Variants in LRRTM4 observed in about 807,000 individuals in gnomAD.
LRRTM4 encodes leucine rich repeat transmembrane neuronal 4.
A neutral mutation model predicts 47.6 loss-of-function variants in LRRTM4; 25 were observed. That is an observed-to-expected ratio of 0.53 (90% CI 0.38 to 0.73). LRRTM4 has a LOEUF of 0.73. Among genes scored for constraint, LRRTM4 ranks in the 30% least tolerant of loss-of-function variants. The probability of loss-of-function intolerance (pLI) is 0.00; values close to 1 mark genes in which losing one functional copy is unlikely to be tolerated. For synonymous variants in LRRTM4, 311 were observed against 269.5 expected, an observed-to-expected ratio of 1.15 and a Z score of -1.51; for missense variants, 638 against 713.4, an observed-to-expected ratio of 0.89 and a Z score of 1.20.
Position 76,965,178 on chromosome 2 carries a change from C to T in LRRTM4, c.1552-216262G>A, listed in dbSNP as rs186817273. 4.2e-3 allele frequency among the ~76,000 whole-genome samples: 628 copies of T among 151,234 alleles called. 20 individuals carry two copies. The highest frequency in any genetic ancestry group is 0.037 in the Admixed American group (559 of 15,114). On this transcript the variant is annotated intron_variant, in intron 3 of 3. Transcript: ENST00000409884. Reference sequence around the variant, plus strand: ...TCAGAAAATACACACAGAGGACAAACTTCCTATCACATTCTATGAGGTCAG... The same window carrying T: ...TCAGAAAATACACACAGAGGACAAATTTCCTATCACATTCTATGAGGTCAG...
At chr2:76,901,921 A>G (rs2103747469) in intron 3 of LRRTM4, among the ~76,000 whole-genome samples, 1 of 152,296 alleles carries the variant, frequency 6.6e-6, no homozygotes, top group South Asian at 2.1e-4. Context: ...AATTCCATAT[A>G]TAATCTTAAT....
intron 3 of LRRTM4, among the ~76,000 whole-genome samples, chr2:77,067,534 T>G (rs1049580366): frequency 2.6e-5 from 4 of 152,162 alleles, no homozygotes; most frequent in Admixed American, 2.0e-4. Context: ...AAGAATCTTT[T>G]TAAGTATCAG....
intron 3 of LRRTM4, among the ~76,000 whole-genome samples, chr2:77,332,856 A>G (rs1245845951): frequency 6.6e-6 from 1 of 152,096 alleles, no homozygotes; most frequent in East Asian, 1.9e-4. Flanking sequence ...CTCTCACCTC[A>G]CAGTACTGAT....
chr2:77,208,006 G>A (rs1359001572), intron 3 of LRRTM4, among the ~76,000 whole-genome samples: 3 of 149,292 alleles, frequency 2.0e-5, no homozygotes, highest in Admixed American at 6.8e-5. Flanking sequence ...AGCCTCCCAA[G>A]TAGCTGGGAT....
chr2:77,097,366 C>A (rs1398091435), intron 3 of LRRTM4, among the ~76,000 whole-genome samples: 1 of 151,890 alleles, frequency 6.6e-6, no homozygotes, highest in Non-Finnish European at 1.5e-5. Flanking sequence ...GTCACTATCA[C>A]AACTTACTTG....
intron 3 of LRRTM4, among the ~76,000 whole-genome samples, chr2:77,127,268 C>A (rs1427795992): frequency 6.6e-6 from 1 of 152,198 alleles, no homozygotes; most frequent in Admixed American, 6.5e-5. Flanking sequence ...TTCTCACATA[C>A]TTTTAAATAC....
At chr2:77,469,282 C>T (rs901985586) in intron 3 of LRRTM4, among the ~76,000 whole-genome samples, 4 of 152,148 alleles carry the variant, frequency 2.6e-5, no homozygotes, top group Non-Finnish European at 4.4e-5. Flanking sequence ...AGTGGGCAAC[C>T]GCAGCCCACA....
chr2:77,026,575 G>T (rs190900641), intron 3 of LRRTM4, among the ~76,000 whole-genome samples: 14 of 151,960 alleles, frequency 9.2e-5, no homozygotes, highest in Non-Finnish European at 1.8e-4. Context: ...TAAAATTTTG[G>T]TATCAGATTC....
chr2:77,110,521 A>C (rs1342964186), intron 3 of LRRTM4, among the ~76,000 whole-genome samples: 4 of 152,140 alleles, frequency 2.6e-5, no homozygotes, highest in Non-Finnish European at 5.9e-5. Context: ...ATGGATTTTT[A>C]CTTTATCTTT....
At chr2:76,937,988 G>A (rs942791768) in intron 3 of LRRTM4, among the ~76,000 whole-genome samples, 4 of 151,822 alleles carry the variant, frequency 2.6e-5, no homozygotes, top group Admixed American at 6.6e-5. Flanking sequence ...TAAAGTTTTG[G>A]GAGTTTTCAT....
chr2:77,477,915 GAAAGAAAGAAAGAAAGAAAGAAAGA>G (rs1677487435), intron 3 of LRRTM4, among the ~76,000 whole-genome samples: 1 of 48,878 alleles, frequency 2.0e-5, no homozygotes, highest in Non-Finnish European at 4.7e-5. Flanking sequence ...AAGAAAGAAA[GAAAGAAAGAAAGAAAGAAAGAAAGA>G]AAGAAAGAAA....
intron 3 of LRRTM4, among the ~76,000 whole-genome samples, chr2:77,040,965 G>A (rs1187132894): frequency 1.3e-5 from 2 of 151,248 alleles, no homozygotes. Flanking sequence ...TAGCTATTTT[G>A]AAATACACAT....
chr2:77,368,705 T>C (rs1383180928), intron 3 of LRRTM4, among the ~76,000 whole-genome samples: 1 of 151,794 alleles, frequency 6.6e-6, no homozygotes. Context: ...TCTTGGTTAG[T>C]TACAGTCTTA....
chr2:77,292,539 C>G (rs1014527725), intron 3 of LRRTM4, among the ~76,000 whole-genome samples: 1 of 151,940 alleles, frequency 6.6e-6, no homozygotes, highest in East Asian at 1.9e-4. Flanking sequence ...GAGTTCATGT[C>G]CTTTGTAGGG....
intron 3 of LRRTM4, among the ~76,000 whole-genome samples, chr2:77,061,376 C>T (rs1363514784): frequency 2.0e-5 from 3 of 151,882 alleles, no homozygotes; most frequent in Non-Finnish European, 2.9e-5. Context: ...CCACCAAAAT[C>T]TGAAAAAAAA....
intron 3 of LRRTM4, among the ~76,000 whole-genome samples, chr2:77,122,553 C>T (rs1394962670): frequency 2.0e-5 from 3 of 150,716 alleles, no homozygotes; most frequent in East Asian, 3.9e-4. Context: ...CACACACATA[C>T]ACATATATAT....
intron 3 of LRRTM4, among the ~76,000 whole-genome samples, chr2:77,281,917 A>G (rs1261638734): frequency 2.0e-5 from 3 of 151,882 alleles, no homozygotes; most frequent in Non-Finnish European, 1.5e-5. Flanking sequence ...ACAAATGTAA[A>G]AAAAATCATT....
At chr2:77,113,607 G>A (rs979874509) in intron 3 of LRRTM4, among the ~76,000 whole-genome samples, 1 of 150,834 alleles carries the variant, frequency 6.6e-6, no homozygotes, top group African/African-American at 2.4e-5. Flanking sequence ...CTAAGGTTGA[G>A]GAGGTCGGAC....
chr2:77,513,660 G>T (rs759988521), intron 3 of LRRTM4, among the ~76,000 whole-genome samples: 9 of 152,014 alleles, frequency 5.9e-5, no homozygotes, highest in Middle Eastern at 3.2e-3. Context: ...CTGCCTCCTG[G>T]GTTCAAGCGA....
Sources: allele counts gnomAD v4.1 joint callset (sites outside exome capture counted in the v4.1 genomes callset), GRCh38; gene constraint gnomAD v4.1.1; transcripts MANE v1.5; gene names NCBI Gene and HGNC (gene_info 2026-07-23, HGNC 2026-07-21).